The following KIAA1328 variants were observed in gnomAD, a reference collection of about 807,000 sequenced individuals.
KIAA1328 encodes KIAA1328, also known as protein hinderin.
A neutral mutation model predicts 68.1 loss-of-function variants in KIAA1328; 52 were observed. The ratio of observed to expected loss-of-function variants is 0.76; its 90% CI spans 0.61 to 0.96. KIAA1328 has a LOEUF of 0.96. Among genes scored for constraint, KIAA1328 ranks in the 40% least tolerant of loss-of-function variants. KIAA1328 has a pLI of 0.00. For missense variants in KIAA1328, 641 were observed against 677.6 expected, an observed-to-expected ratio of 0.95 and a Z score of 0.60; for synonymous variants, 232 against 239.4, an observed-to-expected ratio of 0.97 and a Z score of 0.28.
At chr18:37,183,888 C>T (rs1006467954) in intron 9 of KIAA1328, among the ~76,000 whole-genome samples, 3 of 152,230 alleles carry the variant, frequency 2.0e-5, no homozygotes, top group Admixed American at 2.0e-4. Flanking sequence ...ACTTAATCAC[C>T]TTCTAATATG....
chr18:36,856,097 T>A (rs749181254), intron 4 of KIAA1328, among the ~76,000 whole-genome samples: 7 of 152,106 alleles, frequency 4.6e-5, no homozygotes, highest in Non-Finnish European at 7.4e-5. Flanking sequence ...TTCCCTCTTG[T>A]TGTTTTTAAG....
At chr18:37,021,862 C>T (rs914933483) in intron 6 of KIAA1328, among the ~76,000 whole-genome samples, 2 of 151,914 alleles carry the variant, frequency 1.3e-5, no homozygotes, top group African/African-American at 4.8e-5. Flanking sequence ...CACAGTGGAA[C>T]CCCGTCTCTA....
chr18:37,054,361 C>T (rs2055827059), intron 6 of KIAA1328, among the ~76,000 whole-genome samples: 1 of 152,112 alleles, frequency 6.6e-6, no homozygotes. Flanking sequence ...CACCTGCACT[C>T]ATATGTTTAT....
intron 6 of KIAA1328, among the ~76,000 whole-genome samples, chr18:37,059,093 C>T (rs923065004): frequency 3.3e-5 from 5 of 151,896 alleles, no homozygotes; most frequent in Admixed American, 6.6e-5. Context: ...ATCTCACATG[C>T]AATGTTGATG....
At chr18:36,862,685 A>G (rs184227555) in intron 4 of KIAA1328, among the ~76,000 whole-genome samples, 25 of 152,328 alleles carry the variant, frequency 1.6e-4, no homozygotes, top group Admixed American at 1.5e-3. Flanking sequence ...TTGTGTGAAC[A>G]TCACATTTTA....
intron 5 of KIAA1328, among the ~76,000 whole-genome samples, chr18:36,912,878 G>A (rs2049513152): frequency 6.6e-6 from 1 of 152,140 alleles, no homozygotes; most frequent in African/African-American, 2.4e-5. Flanking sequence ...CCAAAATGGT[G>A]GGGCAACGAT....
chr18:37,039,796 A>C (rs2055173913), intron 6 of KIAA1328, among the ~76,000 whole-genome samples: 1 of 152,222 alleles, frequency 6.6e-6, no homozygotes, highest in African/African-American at 2.4e-5. Flanking sequence ...CCTGTAGGTC[A>C]GAAGTCCGGT....
In KIAA1328 at chr18:37,071,057, C is replaced by CTTTTTTTTT. The variant is rs58722044; in HGVS notation, c.1232+3531_1232+3539dup. ...TTTTTTGTTTTTGATTTTTTTCTTC[C>CTTTTTTTTT]TTTTTTTTTTTTTTTTTTTTTTTTT... On this transcript the variant is annotated intron_variant, in intron 7 of 9. Transcript: ENST00000280020. Among the ~76,000 whole-genome samples the CTTTTTTTTT allele has an allele frequency of 5.8e-4, 50 of 86,834 alleles. 1 individual carries two copies. Among genetic ancestry groups the CTTTTTTTTT allele is most frequent in the Non-Finnish European group, 8.7e-4 (38 of 43,806 alleles). 57.0% of individuals were successfully genotyped at this position (86,834 alleles called of 152,430 possible).
At chr18:37,169,658 T>C (rs751541240) in intron 8 of KIAA1328, among the ~76,000 whole-genome samples, 17 of 152,206 alleles carry the variant, frequency 1.1e-4, no homozygotes, top group Non-Finnish European at 2.4e-4. Context: ...TGTATAGCTT[T>C]CTGGAAACGC....
At chr18:36,997,138 A>C (rs928196838) in intron 6 of KIAA1328, among the ~76,000 whole-genome samples, 50 of 152,164 alleles carry the variant, frequency 3.3e-4, no homozygotes, top group Non-Finnish European at 5.9e-4. Flanking sequence ...TTAAAGGAAG[A>C]CTAGTAGACA....
At chr18:37,114,263 A>G (rs1287069844) in intron 7 of KIAA1328, among the ~76,000 whole-genome samples, 2 of 152,198 alleles carry the variant, frequency 1.3e-5, no homozygotes, top group African/African-American at 4.8e-5. Context: ...TTGGAAGTAA[A>G]GCACTCCTCA....
At chr18:37,098,820 G>A (rs1251368178) in intron 7 of KIAA1328, among the ~76,000 whole-genome samples, 1 of 152,112 alleles carries the variant, frequency 6.6e-6, no homozygotes, top group Non-Finnish European at 1.5e-5. Context: ...TATGTGTCGA[G>A]GAATTTATCC....
chr18:36,891,009 GC>G (rs1197639351), intron 5 of KIAA1328, among the ~76,000 whole-genome samples: 3 of 152,112 alleles, frequency 2.0e-5, no homozygotes, highest in Non-Finnish European at 4.4e-5. Flanking sequence ...TAAACAACCA[GC>G]CTACTAAAGC....
At chr18:37,021,059 G>A (rs1299826142) in intron 6 of KIAA1328, among the ~76,000 whole-genome samples, 1 of 152,160 alleles carries the variant, frequency 6.6e-6, no homozygotes, top group Non-Finnish European at 1.5e-5. Flanking sequence ...TTAATTATTT[G>A]TATAGGACTC....
chr18:37,195,710 G>A (rs147426478), intron 9 of KIAA1328, among the ~76,000 whole-genome samples: 48 of 152,144 alleles, frequency 3.2e-4, no homozygotes, highest in African/African-American at 9.6e-4. Flanking sequence ...TTTTTAGTAC[G>A]ATTCAAAGTT....
chr18:36,886,520 TTG>T (rs72347641), intron 5 of KIAA1328: 3 of 141,190 alleles, frequency 2.1e-5, no homozygotes, highest in Admixed American at 6.8e-5. Flanking sequence ...GTGTGTGTGT[TTG>T]TGTGTGTGTG....
chr18:36,963,960 T>C (rs1045846138), intron 6 of KIAA1328, among the ~76,000 whole-genome samples: 1 of 152,222 alleles, frequency 6.6e-6, no homozygotes, highest in Non-Finnish European at 1.5e-5. Context: ...TAATACATAT[T>C]AAATCATTTA....
At chr18:37,096,806 G>C (rs1368057667) in intron 7 of KIAA1328, among the ~76,000 whole-genome samples, 1 of 152,112 alleles carries the variant, frequency 6.6e-6, no homozygotes, top group Non-Finnish European at 1.5e-5. Context: ...GTTTTGATTT[G>C]CATTTCTCTG....
chr18:36,914,251 A>G (rs1439597698), intron 5 of KIAA1328, among the ~76,000 whole-genome samples: 2 of 152,216 alleles, frequency 1.3e-5, no homozygotes, highest in African/African-American at 4.8e-5. Flanking sequence ...GCCATAGCAT[A>G]TAAACATGTG....
Sources: gnomAD v4.1 joint callset for allele counts (sites outside exome capture counted in the v4.1 genomes callset) on GRCh38, gnomAD v4.1.1 for gene constraint, MANE v1.5 for transcripts, NCBI Gene and HGNC (gene_info 2026-07-23, HGNC 2026-07-21) for gene names.